SYNPR: variants seen among roughly 807,000 people sequenced by gnomAD.
SYNPR encodes synaptoporin.
In SYNPR, 23 loss-of-function variants were observed where a neutral mutation model predicts 32.9. That is an observed-to-expected ratio of 0.70 (90% CI 0.50 to 0.99). SYNPR has a LOEUF of 0.99. Ranked by LOEUF, SYNPR falls within the 50% of genes least tolerant of loss-of-function variation. SYNPR has a pLI of 0.00. For missense variants in SYNPR, 318 were observed against 349.3 expected (o/e 0.91, Z 0.71); for synonymous variants, 146 against 135.9 (o/e 1.07, Z -0.52).
chr3:63,509,117 TATAC>T (rs1701643459), intron 3 of SYNPR, among the ~76,000 whole-genome samples: 2 of 151,492 alleles, frequency 1.3e-5, no homozygotes, highest in Non-Finnish European at 1.5e-5. Context: ...TATATATATA[TATAC>T]ACACACACAC....
At chr3:63,327,424 G>A (rs996653723) in intron 2 of SYNPR, among the ~76,000 whole-genome samples, 3 of 152,022 alleles carry the variant, frequency 2.0e-5, no homozygotes, top group Non-Finnish European at 2.9e-5. Flanking sequence ...TTGTGTATGT[G>A]TGTTTATATC....
chr3:63,566,585 G>A (rs1173987369), intron 4 of SYNPR, among the ~76,000 whole-genome samples: 1 of 152,046 alleles, frequency 6.6e-6, no homozygotes, highest in Non-Finnish European at 1.5e-5. Context: ...ACCCTTGAGG[G>A]CAAAATCTGT....
chr3:63,386,488 C>T (rs111414061), intron 2 of SYNPR, among the ~76,000 whole-genome samples: 340 of 152,268 alleles, frequency 2.2e-3, no homozygotes, highest in Non-Finnish European at 3.8e-3. Flanking sequence ...TTAATGTTCC[C>T]GAAACCTGCT....
intron 3 of SYNPR, among the ~76,000 whole-genome samples, chr3:63,551,877 T>TGC (rs1188607420): frequency 2.0e-4 from 9 of 44,232 alleles, no homozygotes; most frequent in African/African-American, 5.8e-4. Context: ...AGCTATTTAT[T>TGC]TATTTATTTA....
At chr3:63,494,138 T>C (rs1701310924) in intron 3 of SYNPR, among the ~76,000 whole-genome samples, 1 of 151,698 alleles carries the variant, frequency 6.6e-6, no homozygotes, top group Non-Finnish European at 1.5e-5. Flanking sequence ...ATGGATGTTT[T>C]TATTTTTTGT....
chr3:63,534,135 C>T (rs1702159568), intron 3 of SYNPR, among the ~76,000 whole-genome samples: 1 of 152,006 alleles, frequency 6.6e-6, no homozygotes, highest in Non-Finnish European at 1.5e-5. Flanking sequence ...TGATGTTGTT[C>T]ATGTATGTCA....
At chr3:63,408,311 G>GAAAGAAAGAAAGAAAGAAAGAAAAAGAAA (rs2088409826) in intron 2 of SYNPR, among the ~76,000 whole-genome samples, 1 of 72,312 alleles carries the variant, frequency 1.4e-5, no homozygotes, top group African/African-American at 8.8e-5. Context: ...AAGGAAGGAA[G>GAAAGAAAGAAAGAAAGAAAGAAAAAGAAA]GAAGGAAGGA....
intron 3 of SYNPR, 57 bp downstream of exon 3, chr3:63,481,013 T>C: frequency 1.3e-6 from 2 of 1,564,216 alleles, no homozygotes; most frequent in Non-Finnish European, 8.7e-7. Flanking sequence ...CTTTCTTCTG[T>C]GCTTTGTCTC....
At chr3:63,321,574 C>T (rs2087111337) in intron 2 of SYNPR, among the ~76,000 whole-genome samples, 1 of 152,028 alleles carries the variant, frequency 6.6e-6, no homozygotes, top group South Asian at 2.1e-4. Flanking sequence ...TTGGCCAGTT[C>T]CTTAAAAATG....
intron 2 of SYNPR, among the ~76,000 whole-genome samples, chr3:63,296,624 C>T (rs1221601175): frequency 6.6e-6 from 1 of 152,092 alleles, no homozygotes; most frequent in Admixed American, 6.6e-5. Flanking sequence ...TGGGCCCAAA[C>T]CTTAATGGAA....
intron 3 of SYNPR, among the ~76,000 whole-genome samples, chr3:63,522,011 G>A (rs1335712896): frequency 6.6e-6 from 1 of 152,130 alleles, no homozygotes; most frequent in Non-Finnish European, 1.5e-5. Context: ...GAGGAGAAGG[G>A]GGCAAGTAGA....
chr3:63,232,192 C>CTTTTTTTTTTTTTT (rs57078088), intron 1 of SYNPR, among the ~76,000 whole-genome samples: 2 of 59,536 alleles, frequency 3.4e-5, no homozygotes, highest in Non-Finnish European at 6.0e-5. Flanking sequence ...CAGATTCTGA[C>CTTTTTTTTTTTTTT]TTTTTTTTTT....
chr3:63,452,152 G>GTTCGTATGTTCA (rs1559503331), intron 2 of SYNPR: 1 of 700,630 alleles, frequency 1.4e-6, no homozygotes, highest in Admixed American at 2.0e-5. Context: ...TCATTCATTT[G>GTTCGTATGTTCA]TTCGTATGTT....
At chr3:63,575,217 T>C (rs563482593) in intron 4 of SYNPR, among the ~76,000 whole-genome samples, 7 of 152,294 alleles carry the variant, frequency 4.6e-5, no homozygotes, top group African/African-American at 1.2e-4. Flanking sequence ...AAAAAGTTAA[T>C]GAAAAGAAAT....
At chr3:63,611,845 G>A (rs1278864775) in intron 5 of SYNPR, among the ~76,000 whole-genome samples, 1 of 152,126 alleles carries the variant, frequency 6.6e-6, no homozygotes, top group Non-Finnish European at 1.5e-5. Context: ...TAGGCCAGAT[G>A]CCCACCTCAG....
At chr3:63,507,241 T>TATTTGCCTA (rs5849559) in intron 3 of SYNPR, among the ~76,000 whole-genome samples, 3 of 151,766 alleles carry the variant, frequency 2.0e-5, no homozygotes, top group African/African-American at 7.3e-5. Context: ...AGAAACTGGA[T>TATTTGCCTA]ATTTTAACCA....
At chr3:63,602,704 T>C (rs1358605124) in intron 4 of SYNPR, among the ~76,000 whole-genome samples, 1 of 152,226 alleles carries the variant, frequency 6.6e-6, no homozygotes, top group African/African-American at 2.4e-5. Context: ...CATTGGTTTA[T>C]GTGTCTGTTT....
Position 63,510,970 on chromosome 3 carries a change from G to A in SYNPR, c.209+30014G>A, listed in dbSNP as rs75339573. On this transcript the variant is annotated intron_variant, in intron 3 of 5. Coordinates refer to ENST00000478300, the MANE Select transcript of SYNPR (RefSeq NM_001130003.2). Reference sequence around the variant, plus strand: ...TGTGTGTGTGTGTTTCATTTGTTCTGCAAATGTGGTCTCCTGCATCTGATT... The same window carrying A: ...TGTGTGTGTGTGTTTCATTTGTTCTACAAATGTGGTCTCCTGCATCTGATT... 5.8e-3 allele frequency among the ~76,000 whole-genome samples: 793 copies of A among 137,176 alleles called. 50 individuals carry two copies. The East Asian group carries it at 0.13, about 22-fold the overall frequency. The allele number at this position is 137,176 out of a possible 152,430, so 90.0% of individuals were successfully genotyped here.
At chr3:63,255,045 G>T (rs1372191452) in intron 2 of SYNPR, among the ~76,000 whole-genome samples, 1 of 152,132 alleles carries the variant, frequency 6.6e-6, no homozygotes, top group African/African-American at 2.4e-5. Context: ...TTCTGTTCAA[G>T]ATCACCAGTC....
Sources: allele counts gnomAD v4.1 joint callset (sites outside exome capture counted in the v4.1 genomes callset), GRCh38; gene constraint gnomAD v4.1.1; transcripts MANE v1.5; gene names NCBI Gene and HGNC (gene_info 2026-07-23, HGNC 2026-07-21).